Variants in KAZN observed in about 807,000 individuals in gnomAD.
KAZN encodes the protein kazrin, periplakin interacting protein.
A neutral mutation model predicts 87.4 loss-of-function variants in KAZN; 40 were observed. The observed-to-expected ratio is 0.46, with a 90% CI of 0.36 to 0.60. The LOEUF (loss-of-function observed/expected upper bound fraction) is 0.60, where lower values mean the gene tolerates loss of function less well. Among genes scored for constraint, KAZN ranks in the 20% least tolerant of loss-of-function variants. The probability of loss-of-function intolerance (pLI) is 0.00; values close to 1 mark genes in which losing one functional copy is unlikely to be tolerated. For synonymous variants in KAZN, 466 were observed against 458.3 expected (o/e 1.02, Z -0.22); for missense variants, 898 against 1,073.9 (o/e 0.84, Z 2.29).
chr1:14,141,387 T>C (rs1645236441), intron 1 of KAZN, among the ~76,000 whole-genome samples: 1 of 152,012 alleles, frequency 6.6e-6, no homozygotes. Flanking sequence ...GACGCCCACC[T>C]GTTGACATAG....
At chr1:13,968,999 A>G (rs1237516802) in intron 1 of KAZN, among the ~76,000 whole-genome samples, 1 of 152,238 alleles carries the variant, frequency 6.6e-6, no homozygotes, top group East Asian at 1.9e-4. Context: ...AAAATGAGAC[A>G]CTTTATTTGT....
intron 2 of KAZN, among the ~76,000 whole-genome samples, chr1:14,468,060 G>C (rs1022581084): frequency 5.9e-5 from 9 of 152,164 alleles, no homozygotes; most frequent in African/African-American, 2.2e-4. Context: ...TGAAGGCCAA[G>C]AGGCTATCAC....
intron 2 of KAZN, among the ~76,000 whole-genome samples, chr1:14,296,990 A>T (rs929082804): frequency 6.6e-6 from 1 of 152,136 alleles, no homozygotes; most frequent in Non-Finnish European, 1.5e-5. Context: ...ATTTGTGTGC[A>T]TATGTGCATG....
intron 1 of KAZN, among the ~76,000 whole-genome samples, chr1:13,991,785 T>C (rs1639293052): frequency 6.6e-6 from 1 of 152,130 alleles, no homozygotes; most frequent in South Asian, 2.1e-4. Flanking sequence ...TCAACAAATA[T>C]CGTGGTTGAC....
chr1:14,998,093 G>A (rs1003259252), intron 2 of KAZN, among the ~76,000 whole-genome samples: 7 of 152,008 alleles, frequency 4.6e-5, no homozygotes, highest in African/African-American at 7.3e-5. Context: ...GGCAGGCCTC[G>A]GACACTCTCC....
At chr1:14,800,155 G>A (rs188954482) in intron 1 of KAZN, among the ~76,000 whole-genome samples, 5 of 152,262 alleles carry the variant, frequency 3.3e-5, no homozygotes, top group East Asian at 1.9e-4. Context: ...CCCCAAGGCT[G>A]ACCCAGCATG....
chr1:14,316,391 C>T (rs1655660095), intron 2 of KAZN, among the ~76,000 whole-genome samples: 1 of 151,948 alleles, frequency 6.6e-6, no homozygotes. Context: ...TTAATATCTG[C>T]AGGGTCTCTA....
chr1:14,214,787 G>A (rs1272173464), intron 2 of KAZN, among the ~76,000 whole-genome samples: 2 of 152,220 alleles, frequency 1.3e-5, no homozygotes, highest in African/African-American at 4.8e-5. Flanking sequence ...TGGAGCTGGG[G>A]AGTTGACTTA....
intron 2 of KAZN, among the ~76,000 whole-genome samples, chr1:14,255,037 C>T (rs572494951): frequency 7.5e-5 from 11 of 147,192 alleles, no homozygotes; most frequent in Non-Finnish European, 1.3e-4. Context: ...AGGAGAATTG[C>T]TTGAACCGGG....
chr1:14,330,946 A>G (rs1223478979), intron 2 of KAZN, among the ~76,000 whole-genome samples: 1 of 152,206 alleles, frequency 6.6e-6, no homozygotes, highest in African/African-American at 2.4e-5. Flanking sequence ...AGAAAAGTGC[A>G]TGGACATATA....
At chr1:14,953,538 T>C (rs1170889443) in intron 1 of KAZN, among the ~76,000 whole-genome samples, 1 of 152,260 alleles carries the variant, frequency 6.6e-6, no homozygotes, top group Non-Finnish European at 1.5e-5. Context: ...TAGGATCTGC[T>C]TCATGGAGCT....
chr1:14,155,246 A>G (rs1324214748), intron 1 of KAZN, among the ~76,000 whole-genome samples: 5 of 152,100 alleles, frequency 3.3e-5, no homozygotes, highest in African/African-American at 7.2e-5. Flanking sequence ...GGGTTTCATC[A>G]TGGTTCAATC....
chr1:14,941,109 G>GTATCTTTTA (rs1422315480), intron 1 of KAZN, among the ~76,000 whole-genome samples: 1 of 151,712 alleles, frequency 6.6e-6, no homozygotes, highest in Non-Finnish European at 1.5e-5. Flanking sequence ...GTGGAGATGG[G>GTATCTTTTA]GTTTCACTAT....
intron 1 of KAZN, among the ~76,000 whole-genome samples, chr1:14,009,502 C>G (rs946706675): frequency 8.5e-5 from 13 of 152,318 alleles, no homozygotes; most frequent in African/African-American, 2.9e-4. Flanking sequence ...TTGATAATAG[C>G]CATCCTAATG....
intron 2 of KAZN, among the ~76,000 whole-genome samples, chr1:14,232,347 A>T (rs965450083): frequency 1.3e-5 from 2 of 152,114 alleles, no homozygotes; most frequent in Non-Finnish European, 2.9e-5. Context: ...ATATTGAAAA[A>T]AGTTAGTAAA....
chr1:14,270,128 AG>A, intron 2 of KAZN, among the ~76,000 whole-genome samples: 1 of 152,280 alleles, frequency 6.6e-6, no homozygotes, highest in East Asian at 1.9e-4. Flanking sequence ...TTTCAACATG[AG>A]TTTTGGTAGA....
intron 2 of KAZN, among the ~76,000 whole-genome samples, chr1:14,965,664 CT>C (rs1009220622): frequency 6.6e-6 from 1 of 152,174 alleles, no homozygotes; most frequent in Non-Finnish European, 1.5e-5. Flanking sequence ...GTTGTTTCCA[CT>C]TTTTTTCTCT....
intron 1 of KAZN, among the ~76,000 whole-genome samples, chr1:14,666,455 G>T (rs1263695240): frequency 3.3e-5 from 5 of 152,190 alleles, no homozygotes; most frequent in Admixed American, 6.5e-5. Context: ...AGAATTTGGG[G>T]AGTTGCATGT....
chr1:14,099,461 A>G (rs75379770), intron 1 of KAZN, among the ~76,000 whole-genome samples: 7,697 of 152,196 alleles, frequency 0.051, 589 homozygotes, highest in African/African-American at 0.17. Flanking sequence ...CTATAGGGCA[A>G]GTTCATTGAA....
Sources: allele counts gnomAD v4.1 joint callset (sites outside exome capture counted in the v4.1 genomes callset), GRCh38; gene constraint gnomAD v4.1.1; transcripts MANE v1.5; gene names NCBI Gene and HGNC (gene_info 2026-07-23, HGNC 2026-07-21).